Variants in ANO4 observed in about 807,000 individuals in gnomAD.
The protein encoded by ANO4 is anoctamin-4.
In ANO4, 69 loss-of-function variants were observed where a neutral mutation model predicts 141.9. That is an observed-to-expected ratio of 0.49 (90% CI 0.40 to 0.59). The LOEUF (loss-of-function observed/expected upper bound fraction) is 0.59, where lower values mean the gene tolerates loss of function less well. Ranked by LOEUF, ANO4 falls within the 20% of genes least tolerant of loss-of-function variation. The pLI is 0.00. For synonymous variants in ANO4, 350 were observed against 394.3 expected (o/e 0.89, Z 1.33); for missense variants, 894 against 1,162.2 (o/e 0.77, Z 3.36).
chr12:100,802,772 T>C lies in ANO4; in HGVS notation c.-141+7745T>C, dbSNP rs148166872. On this transcript the variant is annotated intron_variant, in intron 1 of 27. Coordinates refer to ENST00000392977, the MANE Select transcript of ANO4 (RefSeq NM_001286615.2). The stretch of plus-strand genomic sequence containing the variant: ...AAATACGAAGCAAGTCAGATGGTGA[T>C]CAGTGCTATGGAGGGAAAAAAAATG... Among the ~76,000 whole-genome samples the C allele has an allele frequency of 1.4e-4, 21 of 152,266 alleles. No individual in the cohort carries two copies. In the East Asian group the frequency reaches 3.9e-3, roughly 28 times the overall value.
At chr12:101,066,839 C>T in intron 14 of ANO4, 8 of 1,403,134 alleles carry the variant, frequency 5.7e-6, no homozygotes, top group Non-Finnish European at 7.1e-6. Flanking sequence ...GATTGACATA[C>T]CTGATGCGCT....
intron 14 of ANO4, among the ~76,000 whole-genome samples, chr12:101,060,905 A>G (rs1566191025): frequency 6.6e-6 from 1 of 152,102 alleles, no homozygotes; most frequent in Non-Finnish European, 1.5e-5. Flanking sequence ...GTTATGTGTG[A>G]ATTTGATCCT....
At chr12:101,113,572 T>C (rs535078471) in intron 24 of ANO4, among the ~76,000 whole-genome samples, 1 of 152,320 alleles carries the variant, frequency 6.6e-6, no homozygotes, top group Non-Finnish European at 1.5e-5. Flanking sequence ...TTTCAAGTAG[T>C]TAAATTTATG....
Position 100,724,031 on chromosome 12 carries a change from A to AC in ANO4, c.22+6484_22+6485insC, listed in dbSNP as rs200906608. Among the ~76,000 whole-genome samples the AC allele has an allele frequency of 3.9e-4, 56 of 144,222 alleles. 1 individual carries two copies. Among genetic ancestry groups the AC allele is most frequent in the African/African-American group, 1.4e-3 (53 of 38,102 alleles). 94.6% of individuals were successfully genotyped at this position (144,222 alleles called of 152,430 possible). A position where few individuals can be genotyped will look rare whatever the true frequency, so the allele number is the denominator to read the frequency against. ...CAAAACAAAAACAAACAAAAAACAA[A>AC]AAAACAAAAAAACCTTGCCTGTTTC... On this transcript the variant is annotated intron_variant, in intron 1 of 29. Transcript: ENST00000644049.
intron 1 of ANO4, among the ~76,000 whole-genome samples, chr12:100,899,889 T>TTATA (rs2040509527): frequency 6.6e-6 from 1 of 152,150 alleles, no homozygotes; most frequent in East Asian, 1.9e-4. Flanking sequence ...TATATCCCAT[T>TTATA]TACATATAAA....
At chr12:101,099,811 C>T (rs1593267077) in intron 22 of ANO4, 91 bp downstream of exon 22, 1 of 1,130,782 alleles carries the variant, frequency 8.8e-7, no homozygotes, top group East Asian at 2.8e-5. Flanking sequence ...CATCAAGGTC[C>T]TCAGTGCGTA....
At chr12:100,866,230 G>A (rs1463963960) in intron 1 of ANO4, among the ~76,000 whole-genome samples, 1 of 152,128 alleles carries the variant, frequency 6.6e-6, no homozygotes, top group East Asian at 1.9e-4. Context: ...AAGTCTCATC[G>A]CTATGGCTCT....
At chr12:100,742,678 T>C (rs1411762218) in intron 3 of ANO4, among the ~76,000 whole-genome samples, 1 of 152,212 alleles carries the variant, frequency 6.6e-6, no homozygotes, top group Non-Finnish European at 1.5e-5. Flanking sequence ...TATAAAATCA[T>C]TTTTCCATTT....
intron 8 of ANO4, among the ~76,000 whole-genome samples, chr12:100,988,372 G>T (rs986246664): frequency 6.6e-6 from 1 of 152,040 alleles, no homozygotes; most frequent in African/African-American, 2.4e-5. Context: ...AGCCTGCCGT[G>T]TGCTGGAGAC....
chr12:100,935,476 C>T (rs2042248396), intron 3 of ANO4, among the ~76,000 whole-genome samples: 1 of 152,198 alleles, frequency 6.6e-6, no homozygotes, highest in Non-Finnish European at 1.5e-5. Context: ...ATTTGACTCT[C>T]TTTCTCATTT....
chr12:100,794,308 ACAT>A (rs1279344640), upstream of ANO4, among the ~76,000 whole-genome samples: 1 of 152,180 alleles, frequency 6.6e-6, no homozygotes, highest in African/African-American at 2.4e-5. Flanking sequence ...ATGCCATCAG[ACAT>A]CATTTAGGGG....
Position 100,922,303 on chromosome 12 carries a change from T to C in ANO4, c.133T>C (p.Ser45Pro), listed in dbSNP as rs1004764714. The stretch of plus-strand genomic sequence containing the variant: ...CGGGCCAAAGAGTGATGTGGACTTT[T>C]CAGAGATTCTTAATGCAATACAAGA... The part of the protein sequence containing the change: ...PDGPKSDVDF[S>P]EILNAIQEMA... The change falls in exon 3 of 28, where the codon TCA (serine) becomes CCA (proline). Residue 45 changes from serine to proline, a missense_variant. Coordinates refer to ENST00000392977, the MANE Select transcript of ANO4 (RefSeq NM_001286615.2). 65 of 1,531,818 alleles carry C rather than the reference T, an allele frequency of 4.2e-5. No homozygotes were observed. Among genetic ancestry groups the C allele is most frequent in the Non-Finnish European group, 5.0e-5 (57 of 1,145,666 alleles). The allele number at this position is 1,531,818 out of a possible 1,614,324, so 94.9% of individuals were successfully genotyped here. A position where few individuals can be genotyped will look rare whatever the true frequency, so the allele number is the denominator to read the frequency against.
chr12:100,744,370 C>G (rs899341411), intron 3 of ANO4, among the ~76,000 whole-genome samples: 1 of 152,152 alleles, frequency 6.6e-6, no homozygotes, highest in African/African-American at 2.4e-5. Flanking sequence ...GATTAGGGCA[C>G]TGACCGATTT....
intron 8 of ANO4, among the ~76,000 whole-genome samples, chr12:101,018,503 T>C (rs1231784831): frequency 6.6e-6 from 1 of 152,166 alleles, no homozygotes; most frequent in African/African-American, 2.4e-5. Context: ...CCTTTATCTG[T>C]TATCCCAAAG....
chr12:100,988,715 A>G (rs536973962), intron 8 of ANO4, among the ~76,000 whole-genome samples: 95 of 151,814 alleles, frequency 6.3e-4, no homozygotes, highest in African/African-American at 2.2e-3. Context: ...TACTAAAAAC[A>G]CAAAAATTAG....
intron 2 of ANO4, among the ~76,000 whole-genome samples, chr12:100,904,727 CT>C (rs577561578): frequency 1.8e-4 from 28 of 152,066 alleles, no homozygotes; most frequent in Non-Finnish European, 3.1e-4. Flanking sequence ...AAAGGAAGCT[CT>C]TACAGGGTTT....
chr12:100,754,348 A>C (rs991337055), intron 3 of ANO4, among the ~76,000 whole-genome samples: 1 of 148,396 alleles, frequency 6.7e-6, no homozygotes, highest in Non-Finnish European at 1.5e-5. Flanking sequence ...AAGTCTTTCT[A>C]CTTTCTTGCC....
chr12:100,817,378 T>G (rs1336401389), intron 1 of ANO4, among the ~76,000 whole-genome samples: 1 of 151,820 alleles, frequency 6.6e-6, no homozygotes, highest in Non-Finnish European at 1.5e-5. Flanking sequence ...AGAGCCTAGT[T>G]AGGTCTTCTT....
At chr12:100,974,950 A>G (rs2044098457) in intron 7 of ANO4, 61 bp downstream of exon 7, 2 of 1,567,240 alleles carry the variant, frequency 1.3e-6, no homozygotes, top group Non-Finnish European at 1.8e-6. Flanking sequence ...TGCTCCAACA[A>G]TGACAAGGAG....
Sources: allele counts gnomAD v4.1 joint callset (sites outside exome capture counted in the v4.1 genomes callset), GRCh38; gene constraint gnomAD v4.1.1; transcripts MANE v1.5; gene names NCBI Gene and HGNC (gene_info 2026-07-23, HGNC 2026-07-21).